NPIPA9: variants seen among roughly 807,000 people sequenced by gnomAD.
NPIPA9 encodes the protein nuclear pore complex-interacting protein family member A9.
chr16:18,370,239 A>G (rs1429551663), intron 3 of NPIPA9, among the ~76,000 whole-genome samples: 18 of 128,756 alleles, frequency 1.4e-4, no homozygotes, highest in Middle Eastern at 4.1e-3. Flanking sequence ...GCAGTGAGCC[A>G]AGATCGCACC....
At chr16:18,371,501 T>TCAAA (rs1900548069) in intron 3 of NPIPA9, among the ~76,000 whole-genome samples, 1 of 103,948 alleles carries the variant, frequency 9.6e-6, no homozygotes, top group Admixed American at 1.0e-4. Flanking sequence ...ATGACACAAA[T>TCAAA]GAAATGACAT....
chr16:18,363,579 G>C (rs1900473809), intron 6 of NPIPA9, among the ~76,000 whole-genome samples: 1 of 52,470 alleles, frequency 1.9e-5, no homozygotes, highest in African/African-American at 1.0e-4. Context: ...AGGCAGAATT[G>C]CTTCAAACTG....
chr16:18,363,524 G>A lies in NPIPA9; in HGVS notation c.437+703C>T, dbSNP rs1265521097. Among the ~76,000 whole-genome samples the A allele has an allele frequency of 3.7e-5, 4 of 106,732 alleles. No individual in the cohort carries two copies. In the South Asian group the frequency reaches 1.3e-3, roughly 35 times the overall value. The allele number at this position is 106,732 out of a possible 152,430, so 70.0% of individuals were successfully genotyped here. Reference sequence around the variant, plus strand: ...AAAAAAAAAAAAAAAAAAATTGGCCGAATGTGGTGGCACACACCTGTAATC... The same window carrying A: ...AAAAAAAAAAAAAAAAAAATTGGCCAAATGTGGTGGCACACACCTGTAATC... On this transcript the variant is annotated intron_variant, in intron 6 of 9. Coordinates refer to ENST00000427999, the Ensembl canonical transcript of NPIPA9.
chr16:18,364,920 G>C (rs1900487539), intron 4 of NPIPA9, among the ~76,000 whole-genome samples: 1 of 110,456 alleles, frequency 9.1e-6, no homozygotes, highest in Non-Finnish European at 1.9e-5. Context: ...CAGCCTGAGT[G>C]ACAGAATGAG....
intron 6 of NPIPA9, among the ~76,000 whole-genome samples, chr16:18,363,423 A>C (rs1181108292): frequency 3.1e-5 from 1 of 32,084 alleles, no homozygotes; most frequent in Non-Finnish European, 5.2e-5. Flanking sequence ...TGAACCTGGG[A>C]GGCGGAGGTT....
At chr16:18,364,914 CTGAG>C (rs1900487379) in intron 4 of NPIPA9, among the ~76,000 whole-genome samples, 2 of 132,874 alleles carry the variant, frequency 1.5e-5, no homozygotes, top group South Asian at 4.9e-4. Flanking sequence ...GCACTCCAGC[CTGAG>C]TGACAGAATG....
chr16:18,370,209 G>C, intron 3 of NPIPA9, among the ~76,000 whole-genome samples: 1 of 122,162 alleles, frequency 8.2e-6, no homozygotes, highest in African/African-American at 3.1e-5. Flanking sequence ...AGAATCACTT[G>C]AACCTGGGAG....
At chr16:18,375,181 G>A in intron 1 of NPIPA9, 112 bp from the exon 2 acceptor site, 1 of 533,004 alleles carries the variant, frequency 1.9e-6, no homozygotes, top group Non-Finnish European at 3.3e-6. Context: ...CTGACAGAAT[G>A]TCCTAGAATG....
chr16:18,365,234 A>G (rs1278136173), intron 4 of NPIPA9, among the ~76,000 whole-genome samples: 2 of 81,322 alleles, frequency 2.5e-5, no homozygotes, highest in Non-Finnish European at 4.7e-5. Context: ...AGATTGTGCC[A>G]TTGCACTCCA....
chr16:18,365,305 G>T (rs1596821859), intron 4 of NPIPA9, among the ~76,000 whole-genome samples: 1 of 83,342 alleles, frequency 1.2e-5, no homozygotes, highest in East Asian at 2.4e-4. Flanking sequence ...TATAGGCCAG[G>T]TGCGGTAGCT....
In NPIPA9 at chr16:18,372,132, G is replaced by A; in HGVS notation, c.63+591C>T. 3.0e-5 allele frequency: 2 copies of A among 66,958 alleles called. 1 individual carries two copies. The highest frequency in any genetic ancestry group is 7.3e-4 in the East Asian group (2 of 2,726). The allele number at this position is 66,958 out of a possible 1,614,324, so 4.1% of individuals were successfully genotyped here. A position where few individuals can be genotyped will look rare whatever the true frequency, so the allele number is the denominator to read the frequency against. On this transcript the variant is annotated intron_variant, in intron 3 of 9. Coordinates refer to ENST00000427999, the Ensembl canonical transcript of NPIPA9. ...TGGGGAGGGGGAGGGGAGGGGGAGG[G>A]GAGGGGGAGGGGAAGGGGAGGGGAA...
At chr16:18,375,242 T>C (rs1900589359) in intron 1 of NPIPA9, among the ~76,000 whole-genome samples, 173 bp from the exon 2 acceptor site, 1 of 142,162 alleles carries the variant, frequency 7.0e-6, no homozygotes, top group South Asian at 2.3e-4. Context: ...CCTCGCGACA[T>C]GTGCCACTGA....
chr16:18,365,121 A>G (rs1596821714), intron 4 of NPIPA9, among the ~76,000 whole-genome samples: 1 of 81,572 alleles, frequency 1.2e-5, no homozygotes. Context: ...CTAAAAATAC[A>G]AAATTAGCCA....
chr16:18,364,965 A>G (rs1900488495), intron 4 of NPIPA9, among the ~76,000 whole-genome samples: 1 of 110,952 alleles, frequency 9.0e-6, no homozygotes, highest in South Asian at 2.6e-4. Context: ...ACACACACAC[A>G]CACAACACAA....
chr16:18,370,311 T>A (rs1202142441), intron 3 of NPIPA9, among the ~76,000 whole-genome samples: 20 of 132,298 alleles, frequency 1.5e-4, no homozygotes, highest in South Asian at 2.6e-4. Flanking sequence ...AAAAAAAAAA[T>A]TACCAAGGTG....
At chr16:18,375,214 C>G in intron 1 of NPIPA9, 145 bp from the exon 2 acceptor site, 1 of 523,412 alleles carries the variant, frequency 1.9e-6, no homozygotes, top group South Asian at 2.2e-5. Context: ...GACATCTGCA[C>G]CGTCCGTGAT....
chr16:18,363,629 A>G (rs1242136251), intron 6 of NPIPA9, among the ~76,000 whole-genome samples: 53 of 9,252 alleles, frequency 5.7e-3, no homozygotes, highest in African/African-American at 0.037. Flanking sequence ...GCACCATAGC[A>G]CTCCAGCCTG....
intron 3 of NPIPA9, chr16:18,371,823 T>G (rs1373333809): frequency 5.8e-5 from 3 of 51,786 alleles, no homozygotes; most frequent in African/African-American, 4.5e-4. Context: ...CACAGCCCAG[T>G]AAAAAGGAAG....
chr16:18,365,111 C>A, intron 4 of NPIPA9, among the ~76,000 whole-genome samples: 1 of 79,300 alleles, frequency 1.3e-5, no homozygotes, highest in Non-Finnish European at 2.3e-5. Flanking sequence ...GCTGTCTCTG[C>A]TAAAAATACA....
Sources: gnomAD v4.1 joint callset for allele counts (sites outside exome capture counted in the v4.1 genomes callset) on GRCh38, gnomAD v4.1.1 for gene constraint, MANE v1.5 for transcripts, NCBI Gene and HGNC (gene_info 2026-07-23, HGNC 2026-07-21) for gene names.